FGGY: variants seen among roughly 807,000 people sequenced by gnomAD.
FGGY encodes the protein FGGY carbohydrate kinase domain-containing protein.
FGGY carries 72 observed loss-of-function variants against 71.3 expected under a neutral mutation model. That is an observed-to-expected ratio of 1.01 (90% CI 0.84 to 1.23). The LOEUF (loss-of-function observed/expected upper bound fraction) is 1.23. Ranked by LOEUF, FGGY falls within the 50% of genes most tolerant of loss-of-function variation. The pLI is 0.00. For synonymous variants in FGGY, 251 were observed against 250.3 expected, an observed-to-expected ratio of 1.00 and a Z score of -0.02; for missense variants, 668 against 682.3, an observed-to-expected ratio of 0.98 and a Z score of 0.23.
At chr1:59,473,671 T>C (rs1458341816) in intron 6 of FGGY, among the ~76,000 whole-genome samples, 1 of 152,180 alleles carries the variant, frequency 6.6e-6, no homozygotes, top group African/African-American at 2.4e-5. Context: ...TATGGGGGGC[T>C]AGTTTCTGAT....
intron 5 of FGGY, among the ~76,000 whole-genome samples, chr1:59,447,116 G>C (rs1389381892): frequency 6.6e-6 from 1 of 152,134 alleles, no homozygotes; most frequent in East Asian, 1.9e-4. Context: ...GGAAAACTCT[G>C]ATATGTATAT....
At chr1:59,377,140 G>A (rs2058757385) in intron 4 of FGGY, among the ~76,000 whole-genome samples, 1 of 152,040 alleles carries the variant, frequency 6.6e-6, no homozygotes, top group South Asian at 2.1e-4. Context: ...CAGTTGGGGT[G>A]GAGAAGAGGA....
chr1:59,760,825 T>A (rs614278), intron 15 of FGGY, among the ~76,000 whole-genome samples: 54,249 of 151,682 alleles, frequency 0.36, 10,008 homozygotes, highest in African/African-American at 0.45. Context: ...CCCTTCTAGA[T>A]ATTTTGAGAT....
chr1:59,445,272 C>G (rs1234394569), intron 5 of FGGY, among the ~76,000 whole-genome samples: 1 of 152,198 alleles, frequency 6.6e-6, no homozygotes, highest in East Asian at 1.9e-4. Context: ...TGCCTCACTT[C>G]CAGCCCTGGG....
chr1:59,373,718 A>G (rs1472223888), intron 4 of FGGY, among the ~76,000 whole-genome samples: 1 of 152,280 alleles, frequency 6.6e-6, no homozygotes, highest in South Asian at 2.1e-4. Flanking sequence ...GATATAGATC[A>G]ATGGAACAGA....
chr1:59,723,826 A>G (rs1376001212), intron 14 of FGGY, among the ~76,000 whole-genome samples: 1 of 152,216 alleles, frequency 6.6e-6, no homozygotes, highest in Non-Finnish European at 1.5e-5. Context: ...TGTCATGCAT[A>G]TTCAATTACA....
intron 8 of FGGY, among the ~76,000 whole-genome samples, chr1:59,591,818 C>A (rs1312172675): frequency 2.0e-5 from 3 of 152,180 alleles, no homozygotes; most frequent in Non-Finnish European, 4.4e-5. Context: ...AAACGTTCGA[C>A]CTAAAACCAT....
intron 2 of FGGY, among the ~76,000 whole-genome samples, chr1:59,335,394 T>C (rs879340798): frequency 6.6e-6 from 1 of 152,246 alleles, no homozygotes; most frequent in Admixed American, 6.5e-5. Context: ...AGTTCCTTTT[T>C]CTTGCTGAGT....
At chr1:59,357,281 CAAAA>C (rs1047068004) in intron 4 of FGGY, among the ~76,000 whole-genome samples, 132 of 139,906 alleles carry the variant, frequency 9.4e-4, no homozygotes, top group African/African-American at 3.3e-3. Context: ...AAAAGGCAGA[CAAAA>C]GAAAAAAAGT....
At chr1:59,392,677 C>T (rs2060838343) in intron 5 of FGGY, among the ~76,000 whole-genome samples, 1 of 152,092 alleles carries the variant, frequency 6.6e-6, no homozygotes, top group Non-Finnish European at 1.5e-5. Flanking sequence ...CTTTCCTTTC[C>T]TCCTTTTTCT....
intron 14 of FGGY, among the ~76,000 whole-genome samples, chr1:59,725,925 C>G (rs1433296394): frequency 1.3e-5 from 2 of 152,050 alleles, no homozygotes; most frequent in African/African-American, 4.8e-5. Flanking sequence ...TGTCTTTTTG[C>G]ACTAGCTAAG....
At chr1:59,383,461 C>G (rs1043345218) in intron 5 of FGGY, among the ~76,000 whole-genome samples, 1 of 152,078 alleles carries the variant, frequency 6.6e-6, no homozygotes, top group Non-Finnish European at 1.5e-5. Flanking sequence ...CTGAATGGAC[C>G]CCTTCTCTTG....
intron 8 of FGGY, among the ~76,000 whole-genome samples, chr1:59,587,419 G>C (rs547283224): frequency 1.2e-4 from 18 of 152,238 alleles, no homozygotes; most frequent in Admixed American, 3.3e-4. Flanking sequence ...AAATGTCCCT[G>C]TCTGACAGCT....
At chr1:59,715,114 C>G (rs1448740241) in intron 14 of FGGY, among the ~76,000 whole-genome samples, 2 of 152,130 alleles carry the variant, frequency 1.3e-5, no homozygotes, top group Non-Finnish European at 2.9e-5. Context: ...TGCATTTGAA[C>G]TTGCTGGGTT....
chr1:59,642,625 CAAAA>C (rs1250512969), intron 11 of FGGY, among the ~76,000 whole-genome samples: 1 of 57,604 alleles, frequency 1.7e-5, no homozygotes, highest in Non-Finnish European at 4.5e-5. Context: ...GACTCCGTCT[CAAAA>C]AAAAAAAAAA....
chr1:59,741,629 C>T (rs907710195), intron 14 of FGGY, among the ~76,000 whole-genome samples: 38 of 152,236 alleles, frequency 2.5e-4, no homozygotes, highest in Admixed American at 7.2e-4. Context: ...CATAGTGAGA[C>T]ACTTTCTCTA....
intron 5 of FGGY, among the ~76,000 whole-genome samples, chr1:59,416,345 C>A (rs1026963640): frequency 6.6e-6 from 1 of 151,748 alleles, no homozygotes; most frequent in Non-Finnish European, 1.5e-5. Flanking sequence ...TTCACAGTGG[C>A]AGGGAAAAGG....
At chr1:59,320,030 A>G (rs2046114031) in intron 1 of FGGY, among the ~76,000 whole-genome samples, 1 of 152,212 alleles carries the variant, frequency 6.6e-6, no homozygotes, top group Non-Finnish European at 1.5e-5. Flanking sequence ...TAATGGTCAT[A>G]TGGAGGTCCC....
At chr1:59,683,776 TA>T (rs1199481403) in intron 14 of FGGY, among the ~76,000 whole-genome samples, 1 of 152,240 alleles carries the variant, frequency 6.6e-6, no homozygotes, top group Non-Finnish European at 1.5e-5. Flanking sequence ...CATTAAAAAT[TA>T]AAAGCACTCT....
Sources: allele counts gnomAD v4.1 joint callset (sites outside exome capture counted in the v4.1 genomes callset), GRCh38; gene constraint gnomAD v4.1.1; transcripts MANE v1.5; gene names NCBI Gene and HGNC (gene_info 2026-07-23, HGNC 2026-07-21).